Variants in USP34 observed in about 807,000 individuals in gnomAD.
The protein encoded by USP34 is ubiquitin carboxyl-terminal hydrolase 34.
USP34 carries 70 observed loss-of-function variants against 460.3 expected under a neutral mutation model. The observed-to-expected ratio is 0.15, with a 90% CI of 0.13 to 0.19. The LOEUF is 0.19. Ranked by LOEUF, USP34 falls within the 10% of genes least tolerant of loss-of-function variation. The pLI, the probability that USP34 is intolerant of heterozygous loss-of-function variation, is 1.00. For missense variants in USP34, 3,985 were observed against 4,236.2 expected, an observed-to-expected ratio of 0.94 and a Z score of 1.65; for synonymous variants, 1,647 against 1,405.3, an observed-to-expected ratio of 1.17 and a Z score of -3.85.
chr2:61,382,248 T>G (rs542989047), intron 6 of USP34, among the ~76,000 whole-genome samples: 1 of 152,214 alleles, frequency 6.6e-6, no homozygotes, highest in Admixed American at 6.5e-5. Flanking sequence ...AGACTCCCAT[T>G]GAAAAAATTA....
At chr2:61,442,217 A>G (rs1694985762) in intron 1 of USP34, among the ~76,000 whole-genome samples, 1 of 152,216 alleles carries the variant, frequency 6.6e-6, no homozygotes. Flanking sequence ...TTTTATGAAT[A>G]AAGACTTCAA....
At chr2:61,382,306 C>T (rs1441681134) in intron 6 of USP34, among the ~76,000 whole-genome samples, 1 of 152,196 alleles carries the variant, frequency 6.6e-6, no homozygotes, top group Non-Finnish European at 1.5e-5. Context: ...TAATCTGCCC[C>T]TGCTTATCTC....
chr2:61,323,413 G>C (rs1264874273), intron 21 of USP34, among the ~76,000 whole-genome samples: 1 of 151,872 alleles, frequency 6.6e-6, no homozygotes, highest in Admixed American at 6.6e-5. Context: ...TACTTGGGAG[G>C]CTGAGGCAAG....
intron 10 of USP34, among the ~76,000 whole-genome samples, chr2:61,358,087 G>C (rs967561274): frequency 6.6e-6 from 1 of 152,146 alleles, no homozygotes; most frequent in East Asian, 1.9e-4. Flanking sequence ...AGCTACTCAG[G>C]AGGCTGAGAC....
At chr2:61,364,430 T>C (rs1692367969) in intron 10 of USP34, among the ~76,000 whole-genome samples, 1 of 152,186 alleles carries the variant, frequency 6.6e-6, no homozygotes, top group African/African-American at 2.4e-5. Context: ...AGAGTTATTA[T>C]TTTATAGGTA....
At chr2:61,194,251 G>GCTACTTCCCCTTTATC in intron 75 of USP34, 3 of 985,390 alleles carry the variant, frequency 3.0e-6, no homozygotes, top group Non-Finnish European at 3.6e-6. Context: ...GCAAGGAAAT[G>GCTACTTCCCCTTTATC]CTACTTCCCC....
intron 1 of USP34, among the ~76,000 whole-genome samples, chr2:61,437,767 C>A (rs888891397): frequency 6.2e-5 from 3 of 48,344 alleles, no homozygotes; most frequent in Middle Eastern, 0.014. Context: ...AGCGAGACTC[C>A]GTCTCAAAAA....
intron 14 of USP34, 128 bp from the exon 15 acceptor site, chr2:61,348,608 T>C (rs1691843991): frequency 1.4e-6 from 2 of 1,440,398 alleles, no homozygotes; most frequent in Non-Finnish European, 1.8e-6. Flanking sequence ...CAATACAAAA[T>C]GGAATTAAAA....
chr2:61,401,081 G>T (rs1002256978), intron 3 of USP34, among the ~76,000 whole-genome samples: 2 of 146,184 alleles, frequency 1.4e-5, no homozygotes, highest in African/African-American at 5.1e-5. Flanking sequence ...AACCCAGGAG[G>T]CAGAGGTTGC....
chr2:61,314,831 C>G, intron 24 of USP34, 44 bp downstream of exon 24: 2 of 1,598,518 alleles, frequency 1.3e-6, no homozygotes, highest in Non-Finnish European at 1.7e-6. Context: ...ACAAAACACC[C>G]TCACATAGAA....
chr2:61,370,489 T>C lies in USP34; in HGVS notation c.1158+9A>G, dbSNP rs762125265. ...ATAGAACAGAGAAGTTATGTAATCA[T>C]CCACAAACCTCAATATGTAAATTTG... is the stretch of plus-strand genomic sequence containing the variant. On this transcript the variant is annotated intron_variant, in intron 9 of 79. Transcript: ENST00000398571. The C allele has an allele frequency of 9.9e-6, 16 of 1,613,570 alleles. No individual in the cohort carries two copies. The highest frequency in any genetic ancestry group is 2.7e-5 in the African/African-American group (2 of 74,884).
Position 61,317,720 on chromosome 2 carries a change from C to G in USP34, c.3216G>C (p.Leu1072=). The change falls in exon 23 of 80, where the codon CTG becomes CTC. Residue 1072 remains leucine (L), a synonymous_variant. Transcript: ENST00000398571. ...GAGCCAAGTTACAGAGATGCTGAAA[C>G]AGGTTTAAGCCAGTCATGCTAATTG... The part of the protein sequence containing the change: ...PETISMTGLN[L]FQHLCNLARL... 11 of 1,614,086 alleles carry G rather than the reference C, an allele frequency of 6.8e-6. No individual in the cohort carries two copies. The highest frequency in any genetic ancestry group is 1.1e-5 in the South Asian group (1 of 91,080).
intron 1 of USP34, among the ~76,000 whole-genome samples, chr2:61,434,391 G>A (rs374723246): frequency 2.0e-5 from 3 of 152,090 alleles, no homozygotes; most frequent in Non-Finnish European, 4.4e-5. Flanking sequence ...TCCTAGACCT[G>A]AGAAACCATG....
At position 61,370,363 on chromosome 2, in the gene USP34, T is replaced by C. The variant is rs1193636408; in HGVS notation, c.1209A>G (p.Arg403=). Residue 403 remains arginine (R), a synonymous_variant, in exon 10 of 80, where the codon CGA becomes CGG. Coordinates refer to ENST00000398571, the MANE Select transcript of USP34 (RefSeq NM_014709.4). ...VILNFLAAEG[R]LSTQHIDCIW... Reference sequence around the variant, plus strand: ...TACAGTCAATATGTTGAGTACTCAGTCGCCCTTCTGCTGCCAAAAAATTCA... The same window carrying C: ...TACAGTCAATATGTTGAGTACTCAGCCGCCCTTCTGCTGCCAAAAAATTCA... The C allele has an allele frequency of 3.7e-6, 6 of 1,614,008 alleles. No individual in the cohort carries two copies. The highest frequency in any genetic ancestry group is 5.1e-6 in the Non-Finnish European group (6 of 1,179,978).
chr2:61,256,661 AC>A (rs2103895295), intron 47 of USP34, among the ~76,000 whole-genome samples, 183 bp from the exon 48 acceptor site: 1 of 152,258 alleles, frequency 6.6e-6, no homozygotes, highest in South Asian at 2.1e-4. Flanking sequence ...AATCTTAGTA[AC>A]TTTTTTGAAG....
At chr2:61,357,280 G>A (rs981511456) in intron 10 of USP34, among the ~76,000 whole-genome samples, 2 of 152,100 alleles carry the variant, frequency 1.3e-5, no homozygotes, top group African/African-American at 4.8e-5. Flanking sequence ...ATCAGTACCA[G>A]AAGGAAAACT....
intron 78 of USP34, 173 bp from the exon 79 acceptor site, chr2:61,189,242 ACAG>A: frequency 1.6e-6 from 1 of 624,854 alleles, no homozygotes; most frequent in Non-Finnish European, 2.6e-6. Flanking sequence ...TTAAGATACT[ACAG>A]CATTTCATTA....
At chr2:61,426,326 A>G (rs2103986177) in intron 1 of USP34, among the ~76,000 whole-genome samples, 1 of 152,240 alleles carries the variant, frequency 6.6e-6, no homozygotes, top group East Asian at 1.9e-4. Flanking sequence ...TGACTCTTAA[A>G]TGGCATTTCT....
chr2:61,424,700 A>G (rs1433658526), intron 1 of USP34, among the ~76,000 whole-genome samples: 1 of 151,824 alleles, frequency 6.6e-6, no homozygotes, highest in Non-Finnish European at 1.5e-5. Flanking sequence ...ACATGGCGAG[A>G]CCCCCTCTCT....
Sources: gnomAD v4.1 joint callset for allele counts (sites outside exome capture counted in the v4.1 genomes callset) on GRCh38, gnomAD v4.1.1 for gene constraint, MANE v1.5 for transcripts, NCBI Gene and HGNC (gene_info 2026-07-23, HGNC 2026-07-21) for gene names.